SMOC2: variants seen among roughly 807,000 people sequenced by gnomAD.
The protein encoded by SMOC2 is SPARC related modular calcium binding 2, also known as SPARC-related modular calcium-binding protein 2.
Under a neutral mutation model 61.4 loss-of-function variants are expected in SMOC2, and 39 were observed. The observed-to-expected ratio is 0.64, with a 90% CI of 0.49 to 0.83. The LOEUF (loss-of-function observed/expected upper bound fraction) is 0.83, where lower values mean the gene tolerates loss of function less well. Ranked by LOEUF, SMOC2 falls within the 40% of genes least tolerant of loss-of-function variation. The pLI is 0.00. For missense variants in SMOC2, 556 were observed against 592.9 expected (o/e 0.94, Z 0.65); for synonymous variants, 247 against 239.9 (o/e 1.03, Z -0.27).
chr6:168,598,547 G>T (rs747415728), intron 7 of SMOC2, among the ~76,000 whole-genome samples: 1 of 152,206 alleles, frequency 6.6e-6, no homozygotes, highest in Non-Finnish European at 1.5e-5. Context: ...ATGCTGACTT[G>T]TGAGCTGTGC....
intron 9 of SMOC2, among the ~76,000 whole-genome samples, chr6:168,632,292 C>T (rs541306223): frequency 7.9e-5 from 12 of 152,124 alleles, no homozygotes; most frequent in Non-Finnish European, 1.5e-4. Context: ...TGGCCATACG[C>T]AATTATAGAA....
chr6:168,457,019 A>G lies in SMOC2; in HGVS notation c.84+15565A>G, dbSNP rs576928834. 2.6e-5 allele frequency among the ~76,000 whole-genome samples: 4 copies of G among 152,316 alleles called. No individual in the cohort carries two copies. In the South Asian group the frequency reaches 6.2e-4, roughly 24 times the overall value. On this transcript the variant is annotated intron_variant, in intron 1 of 12. Transcript: ENST00000356284. The stretch of plus-strand genomic sequence containing the variant: ...ATGCACACGCTCATGTGAAACGGCA[A>G]CTGCTCCACATCATGCTCCATTTTC...
intron 12 of SMOC2, chr6:168,664,523 C>T: frequency 2.6e-6 from 1 of 386,784 alleles, no homozygotes. Flanking sequence ...TGAATTTTTT[C>T]AAGCAATTGT....
At chr6:168,626,297 G>T (rs1377647708) in intron 9 of SMOC2, among the ~76,000 whole-genome samples, 1 of 152,192 alleles carries the variant, frequency 6.6e-6, no homozygotes, top group Non-Finnish European at 1.5e-5. Flanking sequence ...GTGGCTTGGG[G>T]TGTGAGGAAA....
chr6:168,598,924 A>G lies in SMOC2; in HGVS notation c.744A>G (p.Pro248=). 2 of 1,613,762 alleles carry G rather than the reference A, an allele frequency of 1.2e-6. No homozygotes were observed. Among genetic ancestry groups the G allele is most frequent in the East Asian group, 2.2e-5 (1 of 44,870 alleles). The change falls in exon 8 of 13, where the codon CCA becomes CCG. Residue 248 remains proline (P), a synonymous_variant. Coordinates refer to ENST00000356284, the MANE Select transcript of SMOC2 (RefSeq NM_001166412.2). ...PECAHGGLYK[P]VQCHPSTGYC... is the part of the protein sequence containing the mutation. ...GTGCGCACGGCGGCCTCTACAAGCC[A>G]GTGCAGTGCCACCCCTCCACGGGGT...
chr6:168,517,928 G>C (rs528922552), intron 2 of SMOC2, among the ~76,000 whole-genome samples: 2 of 152,362 alleles, frequency 1.3e-5, no homozygotes, highest in Admixed American at 6.5e-5. Flanking sequence ...GCCGGAGCGC[G>C]AGCCTGGGCC....
chr6:168,445,489 A>C (rs1482798237), intron 1 of SMOC2, among the ~76,000 whole-genome samples: 2 of 152,218 alleles, frequency 1.3e-5, no homozygotes, highest in Admixed American at 1.3e-4. Flanking sequence ...GAGATGATTT[A>C]ATATTGATTT....
chr6:168,442,404 C>T (rs1203048515), intron 1 of SMOC2, among the ~76,000 whole-genome samples: 2 of 152,274 alleles, frequency 1.3e-5, no homozygotes, highest in Non-Finnish European at 2.9e-5. Context: ...CCCGCGGCGG[C>T]CGCTGGGCCA....
At chr6:168,648,450 T>C (rs1329550384) in intron 9 of SMOC2, among the ~76,000 whole-genome samples, 3 of 152,230 alleles carry the variant, frequency 2.0e-5, no homozygotes, top group African/African-American at 7.2e-5. Flanking sequence ...TCCTGGTTAG[T>C]CCTGCAGCTG....
intron 9 of SMOC2, among the ~76,000 whole-genome samples, chr6:168,621,352 T>C (rs905859131): frequency 6.6e-6 from 1 of 152,242 alleles, no homozygotes; most frequent in African/African-American, 2.4e-5. Context: ...AGTCCCAGTG[T>C]CAGATTTCTG....
At chr6:168,658,586 A>G (rs139904485) in intron 11 of SMOC2, among the ~76,000 whole-genome samples, 142 of 152,266 alleles carry the variant, frequency 9.3e-4, no homozygotes, top group African/African-American at 3.4e-3. Flanking sequence ...GCTGGGGCAG[A>G]TTCCTGTCTA....
intron 1 of SMOC2, among the ~76,000 whole-genome samples, chr6:168,488,732 T>G (rs1382623057): frequency 6.6e-6 from 1 of 152,084 alleles, no homozygotes; most frequent in Non-Finnish European, 1.5e-5. Flanking sequence ...TATCAAATCG[T>G]CTGGGTCCCC....
chr6:168,489,015 A>AT lies in SMOC2; in HGVS notation c.85-20899dup, dbSNP rs527325375. Among the ~76,000 whole-genome samples, 1,199 of 146,112 alleles carry AT rather than the reference A, an allele frequency of 8.2e-3. 21 individuals carry two copies. The highest frequency in any genetic ancestry group is 0.029 in the African/African-American group (1,140 of 38,956). ...GGATCACAGTTTTAGAGTGAAATAT[A>AT]TGAATCATCTGGGTCCCCTTGGATC... is the stretch of plus-strand genomic sequence containing the variant. On this transcript the variant is annotated intron_variant, in intron 1 of 12. Coordinates refer to ENST00000356284, the MANE Select transcript of SMOC2 (RefSeq NM_001166412.2).
chr6:168,510,189 G>A lies in SMOC2; in HGVS notation c.256+103G>A, dbSNP rs922558033. 6.8e-5 allele frequency: 82 copies of A among 1,206,842 alleles called. No individual in the cohort carries two copies. The Middle Eastern group carries it at 1.8e-3, about 27-fold the overall frequency. 74.8% of individuals were successfully genotyped at this position (1,206,842 alleles called of 1,614,324 possible). On this transcript the variant is annotated intron_variant, in intron 2 of 12. Coordinates refer to ENST00000356284, the MANE Select transcript of SMOC2 (RefSeq NM_001166412.2). ...GATAACTTTTTACATTTACAAACTCGGGTTTATGTTGGCTCTTTTTTTACA... is the reference window on the plus strand; with the variant it reads ...GATAACTTTTTACATTTACAAACTCAGGTTTATGTTGGCTCTTTTTTTACA...
At chr6:168,468,259 C>G (rs933820100) in intron 1 of SMOC2, among the ~76,000 whole-genome samples, 2 of 152,158 alleles carry the variant, frequency 1.3e-5, no homozygotes, top group South Asian at 4.1e-4. Context: ...CCATGGTGAT[C>G]GCAGCAGGTG....
chr6:168,509,285 G>C (rs1013455694), intron 1 of SMOC2, among the ~76,000 whole-genome samples: 1 of 152,212 alleles, frequency 6.6e-6, no homozygotes, highest in Admixed American at 6.5e-5. Flanking sequence ...TGTGCCTTAG[G>C]CATTTTCAGA....
intron 7 of SMOC2, among the ~76,000 whole-genome samples, chr6:168,570,658 G>C (rs1190216837): frequency 3.9e-5 from 6 of 152,084 alleles, no homozygotes; most frequent in African/African-American, 1.2e-4. Context: ...AAGATATGTA[G>C]GAAATTTTTC....
chr6:168,638,093 C>G (rs1786792712), intron 9 of SMOC2, among the ~76,000 whole-genome samples: 1 of 151,914 alleles, frequency 6.6e-6, no homozygotes, highest in South Asian at 2.1e-4. Context: ...CCTGCCCTGC[C>G]CAGGAAGCAT....
At chr6:168,486,722 T>C (rs760379845) in intron 1 of SMOC2, among the ~76,000 whole-genome samples, 4 of 151,952 alleles carry the variant, frequency 2.6e-5, no homozygotes, top group Non-Finnish European at 4.4e-5. Context: ...TTGTTCTGTT[T>C]GTTCACATTC....
Sources: allele counts gnomAD v4.1 joint callset (sites outside exome capture counted in the v4.1 genomes callset), GRCh38; gene constraint gnomAD v4.1.1; transcripts MANE v1.5; gene names NCBI Gene and HGNC (gene_info 2026-07-23, HGNC 2026-07-21).